Variants in KDM7A observed in about 807,000 individuals in gnomAD.
The protein encoded by KDM7A is lysine demethylase 7A, also known as lysine-specific demethylase 7A.
Under a neutral mutation model 114.8 loss-of-function variants are expected in KDM7A, and 28 were observed. That is an observed-to-expected ratio of 0.24 (90% confidence interval 0.18 to 0.33). KDM7A has a LOEUF of 0.33. Among genes scored for constraint, KDM7A ranks in the 10% least tolerant of loss-of-function variants. The pLI is 1.00. For missense variants in KDM7A, 942 were observed against 1,142.5 expected (o/e 0.82, Z 2.53); for synonymous variants, 423 against 397.8 (o/e 1.06, Z -0.75).
chr7:140,165,188 G>A (rs981526269), intron 1 of KDM7A, among the ~76,000 whole-genome samples: 1 of 152,174 alleles, frequency 6.6e-6, no homozygotes, highest in African/African-American at 2.4e-5. Flanking sequence ...TAATGCTCTA[G>A]AGACTCCTAT....
Position 140,139,284 on chromosome 7 carries a change from A to C in KDM7A, c.195-94T>G, listed in dbSNP as rs183841956. The C allele has an allele frequency of 6.3e-3, 4,883 of 769,934 alleles. 30 individuals carry two copies. Among genetic ancestry groups the C allele is most frequent in the Non-Finnish European group, 6.4e-3 (2,854 of 443,736 alleles). 47.7% of individuals were successfully genotyped at this position (769,934 alleles called of 1,614,324 possible). Reference sequence around the variant, plus strand: ...GTTGGAATTTAGCTGAGAAATGTACAACCACCTCACCAACACATTTTTGTA... The same window carrying C: ...GTTGGAATTTAGCTGAGAAATGTACCACCACCTCACCAACACATTTTTGTA... On this transcript the variant is annotated intron_variant, in intron 1 of 19. Coordinates refer to ENST00000397560, the MANE Select transcript of KDM7A (RefSeq NM_030647.2).
chr7:140,119,132 GT>G lies in KDM7A; in HGVS notation c.1226del (p.Asn409ThrfsTer6). Reference sequence around the variant, plus strand: ...AATTACCTTTCAGGGTTTCCAGCAAGTTTTTGGCTACAAACCAACATATGGC... The same window carrying G: ...AATTACCTTTCAGGGTTTCCAGCAAGTTTTGGCTACAAACCAACATATGGC... ...FEAICWFVAK[N>X]LLETLKELRE... On this transcript the variant is annotated frameshift_variant, in exon 9 of 20. Transcript: ENST00000397560. The G allele has an allele frequency of 1.2e-6, 2 of 1,604,074 alleles. No individual in the cohort carries two copies. The highest frequency in any genetic ancestry group is 1.1e-5 in the South Asian group (1 of 90,064).
intron 7 of KDM7A, among the ~76,000 whole-genome samples, chr7:140,121,081 G>A (rs1585149601): frequency 1.3e-5 from 2 of 152,258 alleles, no homozygotes; most frequent in South Asian, 4.1e-4. Flanking sequence ...GCCCCGAAAG[G>A]ACTAAGCAGA....
Position 140,120,528 on chromosome 7 carries a change from C to T in KDM7A, c.1053G>A (p.Gly351=), listed in dbSNP as rs560997552. ...KQGHTLFVPT[G]WIHAVLTSQD... ...GAGAAGTGAGCACAGCATGGATCCACCCTAAAATGGTTGAAAATATATAAA... is the reference window on the plus strand; with the variant it reads ...GAGAAGTGAGCACAGCATGGATCCATCCTAAAATGGTTGAAAATATATAAA... The change falls in exon 8 of 20, where the codon GGG becomes GGA. Residue 351 remains glycine (G), a splice_region_variant and synonymous_variant. Transcript: ENST00000397560. 1 of 1,599,968 alleles carries T rather than the reference C, an allele frequency of 6.3e-7. No individual in the cohort carries two copies. Among genetic ancestry groups the T allele is most frequent in the Non-Finnish European group, 8.6e-7 (1 of 1,167,520 alleles).
Position 140,126,808 on chromosome 7 carries a change from C to T in KDM7A, c.717G>A (p.Val239=). 6.2e-7 allele frequency: 1 copy of T among 1,612,626 alleles called. No homozygotes were observed. Among genetic ancestry groups the T allele is most frequent in the Non-Finnish European group, 8.5e-7 (1 of 1,179,248 alleles). Residue 239 remains valine (V), a synonymous_variant, in exon 6 of 20, where the codon GTG becomes GTA. Coordinates refer to ENST00000397560, the MANE Select transcript of KDM7A (RefSeq NM_030647.2). The part of the protein sequence containing the change: ...EFSDTKMSEL[V]EVPDIAKKLS... ...GTTTTTTGGCTATATCAGGGACCTC[C>T]ACCAATTCAGACATCCTTTCAAAAA...
intron 4 of KDM7A, 139 bp downstream of exon 4, chr7:140,129,354 A>T: frequency 2.9e-6 from 2 of 680,346 alleles, no homozygotes; most frequent in Non-Finnish European, 4.9e-6. Flanking sequence ...ACTAGTTTTC[A>T]ATATAGATGA....
chr7:140,100,979 A>C (rs1229048414), intron 12 of KDM7A, among the ~76,000 whole-genome samples: 2 of 146,858 alleles, frequency 1.4e-5, no homozygotes, highest in African/African-American at 5.0e-5. Context: ...CGATCTCCTG[A>C]CCTCGTGATC....
chr7:140,106,945 A>T (rs1818347405), intron 11 of KDM7A, among the ~76,000 whole-genome samples: 1 of 152,142 alleles, frequency 6.6e-6, no homozygotes, highest in Non-Finnish European at 1.5e-5. Context: ...GTCTCTAAGG[A>T]CTTGCTTTAT....
At chr7:140,122,097 T>C (rs947515861) in intron 7 of KDM7A, among the ~76,000 whole-genome samples, 1 of 152,158 alleles carries the variant, frequency 6.6e-6, no homozygotes, top group Non-Finnish European at 1.5e-5. Flanking sequence ...CAGCCCTCCA[T>C]GTGATTCTGA....
At position 140,170,206 on chromosome 7, in the gene KDM7A, C is replaced by T. The variant is rs538620351; in HGVS notation, c.194+6538G>A. The stretch of plus-strand genomic sequence containing the variant: ...TCCATTTATATAACAAGGATGAAAG[C>T]GGAGTTAAATTATAAAACTTTTCAA... On this transcript the variant is annotated intron_variant, in intron 1 of 19. Transcript: ENST00000397560. Among the ~76,000 whole-genome samples, 149 of 152,068 alleles carry T rather than the reference C, an allele frequency of 9.8e-4. No homozygotes were observed. The Middle Eastern group carries it at 0.01, about 10-fold the overall frequency.
chr7:140,121,385 T>C (rs1562951891), intron 7 of KDM7A, among the ~76,000 whole-genome samples: 1 of 152,230 alleles, frequency 6.6e-6, no homozygotes, highest in South Asian at 2.1e-4. Context: ...ATTTTTCATC[T>C]TTTGACCCCT....
At chr7:140,098,383 G>T (rs958414799) in intron 14 of KDM7A, among the ~76,000 whole-genome samples, 1 of 152,158 alleles carries the variant, frequency 6.6e-6, no homozygotes, top group African/African-American at 2.4e-5. Context: ...TTACTATTTT[G>T]CCATACTGAT....
In KDM7A at chr7:140,133,634, G is replaced by A. The variant is rs76676651; in HGVS notation, c.303C>T (p.His101=). 4.3e-3 allele frequency: 6,967 copies of A among 1,603,096 alleles called. 196 individuals are homozygous for A. In the East Asian group the frequency reaches 0.074, roughly 17 times the overall value. Residue 101 remains histidine (H), a synonymous_variant, in exon 3 of 20, where the codon CAC becomes CAT. Coordinates refer to ENST00000397560, the MANE Select transcript of KDM7A (RefSeq NM_030647.2). The part of the protein sequence containing the change: ...SSLMKKRRNW[H]RHDYTEIDDG... ...CATCAATTTCTGTGTAGTCATGTCTGTGCCAGTTCCTCCTTTTTTTCACTG... is the reference window on the plus strand; with the variant it reads ...CATCAATTTCTGTGTAGTCATGTCTATGCCAGTTCCTCCTTTTTTTCACTG...
intron 1 of KDM7A, among the ~76,000 whole-genome samples, chr7:140,161,874 A>G (rs772454747): frequency 2.0e-5 from 3 of 152,160 alleles, no homozygotes; most frequent in Non-Finnish European, 2.9e-5. Flanking sequence ...GATACTGTAT[A>G]TATCAAAAGG....
chr7:140,156,842 G>C (rs1794463117), intron 1 of KDM7A, among the ~76,000 whole-genome samples: 1 of 152,140 alleles, frequency 6.6e-6, no homozygotes, highest in Non-Finnish European at 1.5e-5. Flanking sequence ...AGGGGATCCG[G>C]GTGGGGCTCC....
chr7:140,166,869 G>C (rs996920749), intron 1 of KDM7A, among the ~76,000 whole-genome samples: 7 of 152,126 alleles, frequency 4.6e-5, no homozygotes, highest in African/African-American at 1.7e-4. Context: ...TTACATATCA[G>C]TTCCCTAAGT....
At chr7:140,166,342 T>A (rs73469870) in intron 1 of KDM7A, among the ~76,000 whole-genome samples, 28,973 of 142,020 alleles carry the variant, frequency 0.2, 3,479 homozygotes, top group African/African-American at 0.34. Flanking sequence ...TTCCTTTTTT[T>A]TTTTTTTTTT....
intron 4 of KDM7A, among the ~76,000 whole-genome samples, chr7:140,127,891 C>CA (rs1171172941): frequency 6.6e-6 from 1 of 151,872 alleles, no homozygotes; most frequent in African/African-American, 2.4e-5. Context: ...CTCATAATGA[C>CA]AAAAAAATAC....
At chr7:140,092,667 T>C (rs1448276275) in intron 18 of KDM7A, among the ~76,000 whole-genome samples, 1 of 152,164 alleles carries the variant, frequency 6.6e-6, no homozygotes, top group Admixed American at 6.5e-5. Context: ...TAACCAGCAC[T>C]AAAAAGAGAA....
Sources: allele counts gnomAD v4.1 joint callset (sites outside exome capture counted in the v4.1 genomes callset), GRCh38; gene constraint gnomAD v4.1.1; transcripts MANE v1.5; gene names NCBI Gene and HGNC (gene_info 2026-07-23, HGNC 2026-07-21).